Variants in CWH43 observed in about 807,000 individuals in gnomAD.
The protein encoded by CWH43 is cell wall biogenesis 43 C-terminal homolog, also known as PGAP2-interacting protein.
In CWH43, 91 loss-of-function variants were observed where a neutral mutation model predicts 85.7. The ratio of observed to expected loss-of-function variants is 1.06; its 90% CI spans 0.90 to 1.26. The LOEUF (loss-of-function observed/expected upper bound fraction) is 1.26, where lower values mean the gene tolerates loss of function less well. Among genes scored for constraint, CWH43 ranks in the 50% most tolerant of loss-of-function variants. The probability of loss-of-function intolerance (pLI) is 0.00; values close to 1 mark genes in which losing one functional copy is unlikely to be tolerated. For missense variants in CWH43, 869 were observed against 839.2 expected, an observed-to-expected ratio of 1.04 and a Z score of -0.44; for synonymous variants, 323 against 293.6, an observed-to-expected ratio of 1.10 and a Z score of -1.02.
intron 1 of CWH43, among the ~76,000 whole-genome samples, chr4:48,987,998 T>C (rs1234089937): frequency 6.6e-6 from 1 of 152,140 alleles, no homozygotes; most frequent in South Asian, 2.1e-4. Flanking sequence ...TCAACTCAGA[T>C]GGTCCAAATG....
At chr4:49,016,068 A>C (rs1440477703) in intron 8 of CWH43, among the ~76,000 whole-genome samples, 2 of 151,396 alleles carry the variant, frequency 1.3e-5, no homozygotes, top group African/African-American at 4.9e-5. Flanking sequence ...GTGTTTTGTG[A>C]CTTATTTTTA....
At chr4:49,035,161 T>A (rs1219513247) in intron 12 of CWH43, among the ~76,000 whole-genome samples, 1 of 152,218 alleles carries the variant, frequency 6.6e-6, no homozygotes, top group Non-Finnish European at 1.5e-5. Context: ...TCTACAGTAC[T>A]AGATACACAA....
intron 12 of CWH43, among the ~76,000 whole-genome samples, chr4:49,035,267 T>A (rs548329485): frequency 1.3e-5 from 2 of 152,378 alleles, no homozygotes; most frequent in Admixed American, 1.3e-4. Flanking sequence ...TTTCTAATGC[T>A]TGTGCATGTT....
At chr4:49,050,547 T>G (rs1274041383) in intron 14 of CWH43, 147 bp from the exon 15 acceptor site, 27 of 518,974 alleles carry the variant, frequency 5.2e-5, no homozygotes, top group Middle Eastern at 9.7e-4. Context: ...ATATTTAGAT[T>G]AACAATTTAA....
intron 3 of CWH43, 77 bp downstream of exon 3, chr4:48,991,651 C>T (rs2109741899): frequency 1.3e-6 from 2 of 1,534,480 alleles, no homozygotes; most frequent in East Asian, 4.5e-5. Context: ...GCCAGGAGTT[C>T]CAGGTTATAG....
At chr4:49,006,286 T>C (rs1377550031) in intron 7 of CWH43, among the ~76,000 whole-genome samples, 2 of 152,196 alleles carry the variant, frequency 1.3e-5, no homozygotes, top group Non-Finnish European at 2.9e-5. Context: ...TCACTACTTA[T>C]GGAATTGTAG....
intron 1 of CWH43, 143 bp from the exon 2 acceptor site, chr4:48,988,334 A>G: frequency 2.1e-6 from 1 of 480,938 alleles, no homozygotes; most frequent in Non-Finnish European, 3.6e-6. Flanking sequence ...GTTCCATGTC[A>G]GTGGAGACAA....
Position 48,992,624 on chromosome 4 carries a change from C to G in CWH43, c.511+534C>G, listed in dbSNP as rs540553126. ...CCAATCACCTGTCTCTCCCAGGGGC[C>G]AGCTTTCTCCGAGACAGAAACATGC... On this transcript the variant is annotated intron_variant, in intron 4 of 15. Transcript: ENST00000226432. The surrounding 1 kb of genome is among the most constrained non-coding windows in gnomAD (Gnocchi z 4.3). 7.9e-5 allele frequency among the ~76,000 whole-genome samples: 12 copies of G among 152,316 alleles called. No individual in the cohort carries two copies. Among genetic ancestry groups the G allele is most frequent in the Non-Finnish European group, 1.6e-4 (11 of 68,038 alleles).
chr4:49,039,333 ACTGATG>A (rs376504522), intron 13 of CWH43, among the ~76,000 whole-genome samples: 66 of 9,506 alleles, frequency 6.9e-3, no homozygotes, highest in East Asian at 0.038. Flanking sequence ...ATATATATAT[ACTGATG>A]TATATATATA....
At chr4:49,059,344 G>C (rs1265407231) in intron 15 of CWH43, among the ~76,000 whole-genome samples, 3 of 151,944 alleles carry the variant, frequency 2.0e-5, no homozygotes, top group Non-Finnish European at 4.4e-5. Context: ...TTTTCATTCT[G>C]TTTATGTACT....
intron 13 of CWH43, among the ~76,000 whole-genome samples, chr4:49,042,633 G>C (rs552518041): frequency 6.6e-6 from 1 of 152,282 alleles, no homozygotes; most frequent in African/African-American, 2.4e-5. Context: ...CTAGTAATTA[G>C]AGAAGTGCAA....
At chr4:49,008,028 A>G (rs1783222729) in intron 8 of CWH43, among the ~76,000 whole-genome samples, 1 of 152,174 alleles carries the variant, frequency 6.6e-6, no homozygotes, top group Admixed American at 6.5e-5. Context: ...CTAGTTCTAG[A>G]TCCTTGAGGA....
chr4:49,045,714 C>CT (rs907201193), intron 14 of CWH43, among the ~76,000 whole-genome samples: 13 of 151,770 alleles, frequency 8.6e-5, no homozygotes, highest in Non-Finnish European at 1.0e-4. Context: ...ACATTTCTTT[C>CT]TTTTTTTTAA....
At chr4:48,991,901 A>G (rs568499052) in intron 3 of CWH43, 35 bp from the exon 4 acceptor site, 1 of 1,580,232 alleles carries the variant, frequency 6.3e-7, no homozygotes, top group Non-Finnish European at 8.7e-7. Flanking sequence ...TTGAGTCCAC[A>G]TAAAAAGTGT....
Position 48,991,466 on chromosome 4 carries a change from C to A in CWH43, c.248C>A (p.Ser83Tyr). Residue 83 changes from serine (S) to tyrosine (Y), a missense_variant, in exon 3 of 16, where the codon TCC (serine) becomes TAC (tyrosine). Coordinates refer to ENST00000226432, the MANE Select transcript of CWH43 (RefSeq NM_025087.3). ...ATTTTGTTTGTAGGCAGCATAGCCT[C>A]CTTCCAGGCTCCAAATGCCAAACTT... is the stretch of plus-strand genomic sequence containing the variant. ...LRIITIGSIASFQAPNAKLRL... is the reference protein window; with the variant it reads ...LRIITIGSIAYFQAPNAKLRL... 6.2e-7 allele frequency: 1 copy of A among 1,614,098 alleles called. No individual in the cohort carries two copies. Among genetic ancestry groups the A allele is most frequent in the Non-Finnish European group, 8.5e-7 (1 of 1,179,980 alleles).
intron 6 of CWH43, among the ~76,000 whole-genome samples, chr4:48,998,939 T>G (rs139269375): frequency 2.1e-4 from 32 of 152,196 alleles, no homozygotes; most frequent in African/African-American, 7.5e-4. Context: ...GATTGACTGA[T>G]TGATAACTTT....
chr4:49,021,132 G>A (rs1416823776), intron 9 of CWH43, among the ~76,000 whole-genome samples: 1 of 152,120 alleles, frequency 6.6e-6, no homozygotes, highest in Non-Finnish European at 1.5e-5. Flanking sequence ...CTTTGCCTAA[G>A]CCAATTTTAA....
At position 49,007,287 on chromosome 4, in the gene CWH43, A is replaced by G. The variant is rs143983446; in HGVS notation, c.1147A>G (p.Lys383Glu). ...GCTTCTTCAAACAAAAAACAGTTCT[A>G]AAGTGCTTTTCAGAAAGAGTGAAAA... Reference protein sequence around the residue: ...DLLLQTKNSSKVLFRKSEKYM... With the variant: ...DLLLQTKNSSEVLFRKSEKYM... Residue 383 changes from lysine (K) to glutamate (E), a missense_variant, in exon 8 of 16, where the codon AAA becomes GAA. Transcript: ENST00000226432. The G allele has an allele frequency of 3.1e-6, 5 of 1,609,436 alleles. No homozygotes were observed. The highest frequency in any genetic ancestry group is 2.7e-5 in the African/African-American group (2 of 74,982).
intron 9 of CWH43, among the ~76,000 whole-genome samples, chr4:49,020,832 TG>T (rs776374562): frequency 3.3e-5 from 5 of 152,356 alleles, no homozygotes; most frequent in African/African-American, 9.6e-5. Flanking sequence ...TTTTTCCATA[TG>T]TTTTTTGGCC....
Sources: gnomAD v4.1 joint callset for allele counts (sites outside exome capture counted in the v4.1 genomes callset) on GRCh38, gnomAD v4.1.1 for gene constraint, Gnocchi (gnomAD v3.1) non-coding constraint, MANE v1.5 for transcripts, NCBI Gene and HGNC (gene_info 2026-07-23, HGNC 2026-07-21) for gene names.